Variants in ZDHHC17 observed in about 807,000 individuals in gnomAD.
ZDHHC17 encodes the protein zDHHC palmitoyltransferase 17, also known as palmitoyltransferase ZDHHC17.
ZDHHC17 carries 40 observed loss-of-function variants against 90.3 expected under a neutral mutation model. That is an observed-to-expected ratio of 0.44 (90% CI 0.34 to 0.58). ZDHHC17 has a LOEUF of 0.58. Ranked by LOEUF, ZDHHC17 falls within the 20% of genes least tolerant of loss-of-function variation. ZDHHC17 has a pLI of 0.01. For missense variants in ZDHHC17, 614 were observed against 780.8 expected (o/e 0.79, Z 2.55); for synonymous variants, 235 against 252.4 (o/e 0.93, Z 0.65).
chr12:76,811,394 T>C lies in ZDHHC17; in HGVS notation c.543+1537T>C, dbSNP rs1953017282. Reference sequence around the variant, plus strand: ...CACATTCACTTTTTTACTTTCAGTTTTTAACTGGGAAAGAAAGGTGGTGTA... The same window carrying C: ...CACATTCACTTTTTTACTTTCAGTTCTTAACTGGGAAAGAAAGGTGGTGTA... On this transcript the variant is annotated intron_variant, in intron 5 of 16. Coordinates refer to ENST00000426126, the MANE Select transcript of ZDHHC17 (RefSeq NM_015336.4). Among the ~76,000 whole-genome samples the C allele has an allele frequency of 4.6e-5, 7 of 152,130 alleles. No homozygotes were observed. In the South Asian group the frequency reaches 1.5e-3, roughly 32 times the overall value.
intron 1 of ZDHHC17, among the ~76,000 whole-genome samples, chr12:76,793,299 C>T (rs373073144): frequency 6.6e-6 from 1 of 152,194 alleles, no homozygotes; most frequent in Non-Finnish European, 1.5e-5. Context: ...AGTGGTAGAT[C>T]ACTTCAGGCC....
intron 7 of ZDHHC17, among the ~76,000 whole-genome samples, chr12:76,821,396 G>A (rs1266760681): frequency 6.6e-6 from 1 of 151,738 alleles, no homozygotes; most frequent in Non-Finnish European, 1.5e-5. Flanking sequence ...TTATTTTGTT[G>A]TTTATTTTTA....
intron 1 of ZDHHC17, among the ~76,000 whole-genome samples, chr12:76,767,657 C>T (rs1033305305): frequency 1.3e-5 from 2 of 152,144 alleles, no homozygotes; most frequent in Admixed American, 6.5e-5. Context: ...TGGTGGCTCA[C>T]GCCTGTAATC....
At chr12:76,846,368 T>G in intron 13 of ZDHHC17, 1 of 479,352 alleles carries the variant, frequency 2.1e-6, no homozygotes, top group Middle Eastern at 5.5e-4. Context: ...TTTAGTTCTT[T>G]GGGACTTGAA....
chr12:76,782,976 G>C (rs116923053), intron 1 of ZDHHC17, among the ~76,000 whole-genome samples: 1,679 of 152,212 alleles, frequency 0.011, 10 homozygotes, highest in Non-Finnish European at 0.017. Context: ...ACTTAGGTCT[G>C]ATTGACTTAG....
chr12:76,772,004 C>T (rs1369709675), intron 1 of ZDHHC17, among the ~76,000 whole-genome samples: 1 of 152,216 alleles, frequency 6.6e-6, no homozygotes, highest in Non-Finnish European at 1.5e-5. Flanking sequence ...TGCAGACCAG[C>T]TTCTTTCTTC....
intron 1 of ZDHHC17, among the ~76,000 whole-genome samples, chr12:76,774,532 A>G (rs1488878970): frequency 3.3e-5 from 5 of 152,170 alleles, no homozygotes; most frequent in Admixed American, 6.5e-5. Flanking sequence ...GAGTCCTACT[A>G]TCATTTGTAT....
At chr12:76,791,785 A>G (rs74442318) in intron 1 of ZDHHC17, among the ~76,000 whole-genome samples, 1 of 152,176 alleles carries the variant, frequency 6.6e-6, no homozygotes, top group Non-Finnish European at 1.5e-5. Flanking sequence ...CTGACTGGCT[A>G]TAAATTGGGT....
chr12:76,836,867 T>C (rs1338701594), intron 10 of ZDHHC17, among the ~76,000 whole-genome samples: 4 of 152,206 alleles, frequency 2.6e-5, no homozygotes, highest in Admixed American at 6.5e-5. Flanking sequence ...TAGAATTCTT[T>C]CTAATGAATT....
intron 1 of ZDHHC17, among the ~76,000 whole-genome samples, chr12:76,783,435 A>G (rs1243256768): frequency 2.6e-5 from 4 of 152,174 alleles, no homozygotes. Flanking sequence ...ACGCTTATGA[A>G]ACCATCAGAT....
rs189491657 is a variant in ZDHHC17 at position 76,824,706 on chromosome 12, G to A, written c.897+2175G>A. ...ATAAAGATGGAATCTTTAGCCAGGC[G>A]TGGTGGTGCGCCTATAGTCCCAGCT... On this transcript the variant is annotated intron_variant, in intron 8 of 16. Coordinates refer to ENST00000426126, the MANE Select transcript of ZDHHC17 (RefSeq NM_015336.4). Among the ~76,000 whole-genome samples, 15 of 152,010 alleles carry A rather than the reference G, an allele frequency of 9.9e-5. 1 individual carries two copies. Among genetic ancestry groups the A allele is most frequent in the African/African-American group, 2.7e-4 (11 of 41,500 alleles).
intron 1 of ZDHHC17, among the ~76,000 whole-genome samples, chr12:76,776,331 A>T (rs920604662): frequency 6.6e-6 from 1 of 152,174 alleles, no homozygotes; most frequent in Non-Finnish European, 1.5e-5. Flanking sequence ...TAAGTAGTAC[A>T]GAAGGATATA....
intron 10 of ZDHHC17, among the ~76,000 whole-genome samples, chr12:76,838,767 T>G (rs906527145): frequency 6.6e-6 from 1 of 152,216 alleles, no homozygotes; most frequent in Non-Finnish European, 1.5e-5. Context: ...CAGGGACTTA[T>G]GTTCCTGAAG....
chr12:76,842,118 C>T lies in ZDHHC17; in HGVS notation c.1266+12C>T, dbSNP rs1249406842. Reference sequence around the variant, plus strand: ...AGCAAAAGAAAAAGGTAGCAAAATACCAACTAAGTCACTTGTATTTAACTG... The same window carrying T: ...AGCAAAAGAAAAAGGTAGCAAAATATCAACTAAGTCACTTGTATTTAACTG... On this transcript the variant is annotated intron_variant, in intron 11 of 16. Coordinates refer to ENST00000426126, the MANE Select transcript of ZDHHC17 (RefSeq NM_015336.4). 1.7e-5 allele frequency: 26 copies of T among 1,548,776 alleles called. No homozygotes were observed. Among genetic ancestry groups the T allele is most frequent in the Non-Finnish European group, 2.3e-5 (26 of 1,150,346 alleles).
At chr12:76,824,296 G>GT (rs1466209180) in intron 8 of ZDHHC17, among the ~76,000 whole-genome samples, 2 of 151,230 alleles carry the variant, frequency 1.3e-5, no homozygotes, top group Admixed American at 6.6e-5. Context: ...TTTCTTTCCT[G>GT]TTTTTTTTCA....
intron 1 of ZDHHC17, among the ~76,000 whole-genome samples, chr12:76,773,248 G>C (rs1267900760): frequency 6.6e-6 from 1 of 152,092 alleles, no homozygotes. Context: ...TGTTCTGCCT[G>C]TTCATATGTC....
chr12:76,834,748 G>C (rs1050508195), intron 10 of ZDHHC17, among the ~76,000 whole-genome samples: 4 of 152,118 alleles, frequency 2.6e-5, no homozygotes, highest in African/African-American at 9.7e-5. Context: ...GGATGTGAGG[G>C]GAGGGATCAG....
chr12:76,780,820 C>T (rs1952614367), intron 1 of ZDHHC17, among the ~76,000 whole-genome samples: 1 of 152,034 alleles, frequency 6.6e-6, no homozygotes, highest in Admixed American at 6.6e-5. Flanking sequence ...TTGGATCTCC[C>T]CAAATTAAGA....
chr12:76,851,143 C>T lies in ZDHHC17; in HGVS notation c.*158C>T. 1 of 774,492 alleles carries T rather than the reference C, an allele frequency of 1.3e-6. No individual in the cohort carries two copies. Among genetic ancestry groups the T allele is most frequent in the Non-Finnish European group, 2.0e-6 (1 of 506,806 alleles). The allele number at this position is 774,492 out of a possible 1,614,324, so 48.0% of individuals were successfully genotyped here. A position where few individuals can be genotyped will look rare whatever the true frequency, so the allele number is the denominator to read the frequency against. On this transcript the variant is annotated 3_prime_UTR_variant, in exon 17 of 17. Transcript: ENST00000426126. ...GTCTTTTTTTCAACACTTTTATTAACAAAAGTAAACATGGACAGAACACAC... is the reference window on the plus strand; with the variant it reads ...GTCTTTTTTTCAACACTTTTATTAATAAAAGTAAACATGGACAGAACACAC...
Sources: gnomAD v4.1 joint callset for allele counts (sites outside exome capture counted in the v4.1 genomes callset) on GRCh38, gnomAD v4.1.1 for gene constraint, MANE v1.5 for transcripts, NCBI Gene and HGNC (gene_info 2026-07-23, HGNC 2026-07-21) for gene names.